The following SEPTIN9 variants were observed in gnomAD, a reference collection of about 807,000 sequenced individuals.
SEPTIN9 encodes the protein septin 9, also known as septin-9.
In SEPTIN9, 13 loss-of-function variants were observed where a neutral mutation model predicts 56.6. That is an observed-to-expected ratio of 0.23 (90% confidence interval 0.15 to 0.37). SEPTIN9 has a LOEUF of 0.37. SEPTIN9 is among the 10% of genes least tolerant of loss of function. The pLI is 1.00. For synonymous variants in SEPTIN9, 332 were observed against 334.1 expected (o/e 0.99, Z 0.07); for missense variants, 650 against 823.1 (o/e 0.79, Z 2.57).
chr17:77,474,531 C>G (rs1031235975), intron 3 of SEPTIN9, among the ~76,000 whole-genome samples: 1 of 152,212 alleles, frequency 6.6e-6, no homozygotes, highest in East Asian at 1.9e-4. Flanking sequence ...CTCCAGCTCC[C>G]TGGGGGAGAG....
intron 1 of SEPTIN9, among the ~76,000 whole-genome samples, chr17:77,302,905 G>A (rs6501948): frequency 6.6e-6 from 1 of 151,990 alleles, no homozygotes; most frequent in African/African-American, 2.4e-5. Context: ...GGCGCCCTAA[G>A]TTTGCTCTTT....
chr17:77,379,219 A>G (rs143806286), intron 2 of SEPTIN9, among the ~76,000 whole-genome samples: 24 of 150,840 alleles, frequency 1.6e-4, no homozygotes, highest in East Asian at 1.2e-3. Flanking sequence ...GCACCCCCAT[A>G]CCCCTACACT....
chr17:77,352,716 G>A (rs950716243), intron 2 of SEPTIN9, among the ~76,000 whole-genome samples: 30 of 152,156 alleles, frequency 2.0e-4, no homozygotes, highest in Non-Finnish European at 3.4e-4. Context: ...CCAGGCTGGA[G>A]TGCAGTGGCG....
At chr17:77,490,260 C>T (rs1468976953) in intron 7 of SEPTIN9, among the ~76,000 whole-genome samples, 1 of 152,220 alleles carries the variant, frequency 6.6e-6, no homozygotes, top group Non-Finnish European at 1.5e-5. Context: ...CCACAGCTTT[C>T]CCCACATCAG....
At chr17:77,373,910 C>T (rs774052846) in intron 2 of SEPTIN9, 1 of 239,302 alleles carries the variant, frequency 4.2e-6, no homozygotes, top group African/African-American at 2.3e-5. Context: ...CTCCAGGACG[C>T]ACAGTTTCAC....
At chr17:77,298,543 G>A (rs568336140) in intron 1 of SEPTIN9, among the ~76,000 whole-genome samples, 1 of 152,322 alleles carries the variant, frequency 6.6e-6, no homozygotes, top group Non-Finnish European at 1.5e-5. Flanking sequence ...CCTTGTTTAT[G>A]GGAAAACCCT....
chr17:77,390,059 T>A (rs1441395384), intron 2 of SEPTIN9, among the ~76,000 whole-genome samples: 7 of 152,138 alleles, frequency 4.6e-5, no homozygotes, highest in African/African-American at 1.7e-4. Context: ...CCCGGATCAG[T>A]CGCTGTTGCC....
rs371195119 is a variant in SEPTIN9 at position 77,475,603 on chromosome 17, C to A, written c.722-6541C>A. The A allele has an allele frequency of 1.2e-6, 2 of 1,613,602 alleles. No individual in the cohort carries two copies. Among genetic ancestry groups the A allele is most frequent in the Non-Finnish European group, 1.7e-6 (2 of 1,179,834 alleles). On this transcript the variant is annotated intron_variant, in intron 3 of 11. Transcript: ENST00000427177. The surrounding 1 kb of genome is among the most constrained non-coding windows in gnomAD (Gnocchi z 4.6). ...GCCCCAGGGTCTGGATTCAGGGGAG[C>A]CTGCAGAGGGAGGGCAGCTGGAGGC...
At chr17:77,438,195 G>A (rs1366347254) in intron 3 of SEPTIN9, among the ~76,000 whole-genome samples, 1 of 152,322 alleles carries the variant, frequency 6.6e-6, no homozygotes, top group Admixed American at 6.5e-5. Context: ...TCACGGAGCT[G>A]CTCCAGGCAC....
At position 77,456,023 on chromosome 17, in the gene SEPTIN9, C is replaced by T. The variant is rs919329435; in HGVS notation, c.722-26121C>T. The stretch of plus-strand genomic sequence containing the variant: ...TCCCGGCACCGCTTCCCATGCGCCA[C>T]GTGACTAGGAGGGTCTTGGGGCAGG... On this transcript the variant is annotated intron_variant, in intron 3 of 11. Coordinates refer to ENST00000427177, the MANE Select transcript of SEPTIN9 (RefSeq NM_001113491.2). The surrounding 1 kb of genome is among the most constrained non-coding windows in gnomAD (Gnocchi z 6.0). Among the ~76,000 whole-genome samples, 29 of 152,328 alleles carry T rather than the reference C, an allele frequency of 1.9e-4. No individual in the cohort carries two copies. Among genetic ancestry groups the T allele is most frequent in the Middle Eastern group, 3.4e-3 (1 of 294 alleles).
chr17:77,479,249 G>A (rs2039349137), intron 3 of SEPTIN9, among the ~76,000 whole-genome samples: 1 of 152,254 alleles, frequency 6.6e-6, no homozygotes, highest in Admixed American at 6.5e-5. Flanking sequence ...ACAGACAATG[G>A]AGTGGGTGAT....
chr17:77,307,234 A>C, intron 2 of SEPTIN9, 37 bp downstream of exon 2: 9 of 1,580,062 alleles, frequency 5.7e-6, no homozygotes, highest in Non-Finnish European at 7.8e-6. Context: ...CACCCAGCTC[A>C]TGGGTGTGTT....
chr17:77,358,421 G>A lies in SEPTIN9; in HGVS notation c.77-43638G>A, dbSNP rs571064667. 1.3e-3 allele frequency among the ~76,000 whole-genome samples: 199 copies of A among 152,284 alleles called. 2 individuals are homozygous for A. The highest frequency in any genetic ancestry group is 2.8e-4 in the Non-Finnish European group (19 of 68,022). The stretch of plus-strand genomic sequence containing the variant: ...GGATCACTTGAAGTCAGGAGTTCAA[G>A]ACCAGCCTGGCCAACATGGTAAAAC... On this transcript the variant is annotated intron_variant, in intron 2 of 11. Coordinates refer to ENST00000427177, the MANE Select transcript of SEPTIN9 (RefSeq NM_001113491.2).
chr17:77,373,687 C>T (rs1037313725), intron 2 of SEPTIN9: 18 of 1,378,560 alleles, frequency 1.3e-5, no homozygotes, highest in Admixed American at 3.0e-5. Flanking sequence ...ATCCAGGCGC[C>T]CTCCCGCTGA....
chr17:77,448,318 C>G (rs2037824863), intron 3 of SEPTIN9, among the ~76,000 whole-genome samples: 2 of 151,920 alleles, frequency 1.3e-5, no homozygotes, highest in South Asian at 4.2e-4. Flanking sequence ...ACTAAAAATA[C>G]AAAAAGTAGC....
rs193239421 is a variant in SEPTIN9, at chr17:77,465,242, A to T, written c.722-16902A>T. 5.6e-4 allele frequency among the ~76,000 whole-genome samples: 86 copies of T among 152,248 alleles called. 1 individual carries two copies. In the South Asian group the frequency reaches 7.3e-3, roughly 13 times the overall value. ...ACACTGTGTATCTCTTCATCTGCTGATGGACATTTGGGTTGTTTCTGCTTT... is the reference window on the plus strand; with the variant it reads ...ACACTGTGTATCTCTTCATCTGCTGTTGGACATTTGGGTTGTTTCTGCTTT... On this transcript the variant is annotated intron_variant, in intron 3 of 11. Transcript: ENST00000427177.
At position 77,433,501 on chromosome 17, in the gene SEPTIN9, G is replaced by A. The variant is rs1293000984; in HGVS notation, c.721+30798G>A. Among the ~76,000 whole-genome samples, 2 of 152,098 alleles carry A rather than the reference G, an allele frequency of 1.3e-5. No homozygotes were observed. The highest frequency in any genetic ancestry group is 2.4e-5 in the African/African-American group (1 of 41,406). On this transcript the variant is annotated intron_variant, in intron 3 of 11. Transcript: ENST00000427177. The surrounding 1 kb of genome is among the most constrained non-coding windows in gnomAD (Gnocchi z 6.4). ...ACGGAGAGGCTTTTGTGCCTGTGAC[G>A]GCCAAAAGGGATGGCGCCCCAGCCA...
intron 4 of SEPTIN9, among the ~76,000 whole-genome samples, chr17:77,485,871 C>T (rs1021243308): frequency 6.6e-6 from 1 of 152,118 alleles, no homozygotes; most frequent in African/African-American, 2.4e-5. Flanking sequence ...GACAGGGTCT[C>T]ATTGTTGCCC....
rs554386672 is a variant in SEPTIN9, at chr17:77,404,049, G to A, written c.721+1346G>A. Among the ~76,000 whole-genome samples, 178 of 152,284 alleles carry A rather than the reference G, an allele frequency of 1.2e-3. 1 individual carries two copies. Among genetic ancestry groups the A allele is most frequent in the African/African-American group, 4.1e-3 (171 of 41,556 alleles). ...AAAATACAATAACTGCCCATTTTGTGTCTGGCTCATTTCACTCAGCATGAC... is the reference window on the plus strand; with the variant it reads ...AAAATACAATAACTGCCCATTTTGTATCTGGCTCATTTCACTCAGCATGAC... On this transcript the variant is annotated intron_variant, in intron 3 of 11. Transcript: ENST00000427177.
Sources: allele counts gnomAD v4.1 joint callset (sites outside exome capture counted in the v4.1 genomes callset), GRCh38; gene constraint gnomAD v4.1.1; non-coding constraint Gnocchi (gnomAD v3.1); transcripts MANE v1.5; gene names NCBI Gene and HGNC (gene_info 2026-07-23, HGNC 2026-07-21).